Variants in PDS5A observed in about 807,000 individuals in gnomAD.
The protein encoded by PDS5A is PDS5 cohesin associated factor A, also known as sister chromatid cohesion protein PDS5 homolog A.
A neutral mutation model predicts 167.1 loss-of-function variants in PDS5A; 42 were observed. The ratio of observed to expected loss-of-function variants is 0.25; its 90% CI spans 0.20 to 0.33. PDS5A has a LOEUF of 0.33. PDS5A is among the 10% of genes least tolerant of loss of function. The probability of loss-of-function intolerance (pLI) is 1.00; values close to 1 mark genes in which losing one functional copy is unlikely to be tolerated. For synonymous variants in PDS5A, 553 were observed against 554.6 expected (o/e 1.00, Z 0.04); for missense variants, 1,033 against 1,605.9 (o/e 0.64, Z 6.10).
Position 39,831,285 on chromosome 4 carries a change from T to C in PDS5A, c.4011-5797A>G, listed in dbSNP as rs1013593404. The stretch of plus-strand genomic sequence containing the variant: ...CCGGCTAAATTTTGTATTTTTATTA[T>C]AGATGGAGTTTCACCATATTGGCCA... On this transcript the variant is annotated intron_variant, in intron 32 of 32. Transcript: ENST00000303538. Among the ~76,000 whole-genome samples the C allele has an allele frequency of 9.9e-5, 15 of 152,084 alleles. No homozygotes were observed. The East Asian group carries it at 2.9e-3, about 30-fold the overall frequency.
intron 26 of PDS5A, among the ~76,000 whole-genome samples, chr4:39,857,471 C>G (rs1318329725): frequency 6.6e-6 from 1 of 151,182 alleles, no homozygotes; most frequent in African/African-American, 2.4e-5. Flanking sequence ...AGGAATTCAA[C>G]AAAAAACAAA....
At chr4:39,939,290 C>CA (rs1188706280) in intron 2 of PDS5A, among the ~76,000 whole-genome samples, 4 of 151,962 alleles carry the variant, frequency 2.6e-5, no homozygotes, top group Non-Finnish European at 5.9e-5. Flanking sequence ...AACAAGACCT[C>CA]ATCTCTACCA....
rs1722223037 is a variant in PDS5A at position 39,894,425 on chromosome 4, AT to A, written c.1770+3963del. On this transcript the variant is annotated intron_variant, in intron 16 of 32. Transcript: ENST00000303538. ...CCTATCTCAAAAAAAAAAGAAAAAA[AT>A]AAGTAAGTAAATAAAATTTAAAAAA... Among the ~76,000 whole-genome samples, 5 of 152,052 alleles carry A rather than the reference AT, an allele frequency of 3.3e-5. No individual in the cohort carries two copies. In the South Asian group the frequency reaches 1.0e-3, roughly 32 times the overall value.
intron 2 of PDS5A, among the ~76,000 whole-genome samples, chr4:39,940,563 T>C (rs1020041089): frequency 6.6e-6 from 1 of 152,362 alleles, no homozygotes; most frequent in East Asian, 1.9e-4. Flanking sequence ...ACCTTTTAGA[T>C]AATGTAGGGG....
At chr4:39,938,116 C>T (rs1414617837) in intron 2 of PDS5A, among the ~76,000 whole-genome samples, 2 of 152,172 alleles carry the variant, frequency 1.3e-5, no homozygotes, top group African/African-American at 2.4e-5. Flanking sequence ...ACCTCACTTT[C>T]GTTTTCTGTA....
At chr4:39,966,886 T>G (rs1348290539) in intron 2 of PDS5A, among the ~76,000 whole-genome samples, 2 of 103,116 alleles carry the variant, frequency 1.9e-5, no homozygotes, top group Non-Finnish European at 4.5e-5. Flanking sequence ...GTAATCCCAG[T>G]TACTCGGGAG....
chr4:39,969,586 A>ATT (rs1441009561), intron 2 of PDS5A, among the ~76,000 whole-genome samples: 1 of 150,418 alleles, frequency 6.6e-6, no homozygotes, highest in Non-Finnish European at 1.5e-5. Flanking sequence ...TAATCACTTG[A>ATT]ACCCAGGAAG....
At chr4:39,842,909 T>TTATATATATTTA (rs1717171861) in intron 30 of PDS5A, among the ~76,000 whole-genome samples, 2 of 92,302 alleles carry the variant, frequency 2.2e-5, no homozygotes, top group Admixed American at 1.1e-4. Context: ...TATCCTATTT[T>TTATATATATTTA]TATATATATA....
At chr4:39,834,146 T>C (rs1040211875) in intron 32 of PDS5A, among the ~76,000 whole-genome samples, 3 of 150,906 alleles carry the variant, frequency 2.0e-5, no homozygotes, top group Non-Finnish European at 4.4e-5. Flanking sequence ...GACCGCATCA[T>C]TGCACTCTAG....
Position 39,962,979 on chromosome 4 carries a change from T to TA in PDS5A, c.138+13460dup, listed in dbSNP as rs1312011773. On this transcript the variant is annotated intron_variant, in intron 2 of 32. Transcript: ENST00000303538. ...TCCACCTCAAAAAAACAAAAAATAA[T>TA]AAAAATGGTTAAGAGAGTAAATTTT... 4.3e-5 allele frequency among the ~76,000 whole-genome samples: 6 copies of TA among 140,234 alleles called. No homozygotes were observed. The South Asian group carries it at 1.1e-3, about 26-fold the overall frequency. 92.0% of individuals were successfully genotyped at this position (140,234 alleles called of 152,430 possible).
At chr4:39,940,657 C>A (rs1479666991) in intron 2 of PDS5A, among the ~76,000 whole-genome samples, 7 of 152,102 alleles carry the variant, frequency 4.6e-5, no homozygotes, top group Admixed American at 4.6e-4. Context: ...AACAGACCTA[C>A]AGATTTTTAT....
chr4:39,866,153 TG>T (rs1719431324), intron 23 of PDS5A, among the ~76,000 whole-genome samples: 1 of 152,182 alleles, frequency 6.6e-6, no homozygotes, highest in East Asian at 1.9e-4. Flanking sequence ...CTCGCTCTGT[TG>T]CCCAGGCTGG....
At chr4:39,959,029 C>G (rs963198554) in intron 2 of PDS5A, among the ~76,000 whole-genome samples, 2 of 152,206 alleles carry the variant, frequency 1.3e-5, no homozygotes, top group Non-Finnish European at 2.9e-5. Context: ...CCCAGCCCAA[C>G]TGTCACCTTC....
At chr4:39,917,957 A>T (rs1315569948) in intron 7 of PDS5A, among the ~76,000 whole-genome samples, 1 of 151,948 alleles carries the variant, frequency 6.6e-6, no homozygotes, top group Non-Finnish European at 1.5e-5. Context: ...AGGCACGACA[A>T]TCTTGAGCCC....
chr4:39,943,321 C>A (rs142825987), intron 2 of PDS5A, among the ~76,000 whole-genome samples: 1 of 152,084 alleles, frequency 6.6e-6, no homozygotes, highest in Non-Finnish European at 1.5e-5. Context: ...TTCTAATACA[C>A]CAGCATAGAC....
chr4:39,867,747 C>T (rs1001445218), intron 22 of PDS5A, among the ~76,000 whole-genome samples: 9 of 145,928 alleles, frequency 6.2e-5, no homozygotes, highest in Non-Finnish European at 9.1e-5. Flanking sequence ...CACACACACA[C>T]ACACACACAC....
intron 16 of PDS5A, among the ~76,000 whole-genome samples, chr4:39,896,152 C>T (rs1191149488): frequency 6.6e-6 from 1 of 151,766 alleles, no homozygotes; most frequent in African/African-American, 2.4e-5. Flanking sequence ...AAGTGATCCT[C>T]CCATCTTGGC....
At chr4:39,949,266 C>T (rs1022706309) in intron 2 of PDS5A, among the ~76,000 whole-genome samples, 2 of 113,590 alleles carry the variant, frequency 1.8e-5, no homozygotes, top group African/African-American at 3.4e-5. Context: ...GGAGCCACTA[C>T]ATTTTAGCGT....
intron 26 of PDS5A, among the ~76,000 whole-genome samples, chr4:39,853,031 A>AGCAGGGACTGAGTAGCTGGGACT (rs562775537): frequency 5.9e-5 from 9 of 152,280 alleles, no homozygotes; most frequent in Admixed American, 2.0e-4. Context: ...CTCCTGCCTC[A>AGCAGGGACTGAGTAGCTGGGACT]GCAGGGACTG....
Sources: gnomAD v4.1 joint callset for allele counts (sites outside exome capture counted in the v4.1 genomes callset) on GRCh38, gnomAD v4.1.1 for gene constraint, MANE v1.5 for transcripts, NCBI Gene and HGNC (gene_info 2026-07-23, HGNC 2026-07-21) for gene names.